MAP2K4: variants seen among roughly 807,000 people sequenced by gnomAD.
The protein encoded by MAP2K4 is mitogen-activated protein kinase kinase 4.
A neutral mutation model predicts 48.5 loss-of-function variants in MAP2K4; 4 were observed. The ratio of observed to expected loss-of-function variants is 0.08; its 90% CI spans 0.04 to 0.19. The LOEUF (loss-of-function observed/expected upper bound fraction) is 0.19. Ranked by LOEUF, MAP2K4 falls within the 10% of genes least tolerant of loss-of-function variation. MAP2K4 has a pLI of 1.00. For synonymous variants in MAP2K4, 166 were observed against 173.1 expected (o/e 0.96, Z 0.32); for missense variants, 258 against 493.3 (o/e 0.52, Z 4.52).
At chr17:12,070,305 C>T (rs898449067) in intron 2 of MAP2K4, among the ~76,000 whole-genome samples, 1 of 152,062 alleles carries the variant, frequency 6.6e-6, no homozygotes, top group African/African-American at 2.4e-5. Flanking sequence ...TTAGCTATTA[C>T]TTGCTGAAAG....
chr17:12,041,048 G>A (rs1182642574), intron 1 of MAP2K4, among the ~76,000 whole-genome samples: 2 of 152,224 alleles, frequency 1.3e-5, no homozygotes, highest in Non-Finnish European at 2.9e-5. Context: ...GTATACACAT[G>A]AAGTAGATAG....
intron 2 of MAP2K4, among the ~76,000 whole-genome samples, chr17:12,056,820 T>C (rs540183844): frequency 9.2e-5 from 14 of 152,272 alleles, no homozygotes; most frequent in African/African-American, 3.1e-4. Flanking sequence ...CAGTTGTTAG[T>C]TTCTGTTTAG....
chr17:12,136,011 T>C (rs1973195704), intron 9 of MAP2K4, among the ~76,000 whole-genome samples: 1 of 152,206 alleles, frequency 6.6e-6, no homozygotes, highest in South Asian at 2.1e-4. Context: ...TCTAAATTCA[T>C]ATTGAATATG....
At chr17:12,135,370 C>T (rs980157121) in intron 9 of MAP2K4, among the ~76,000 whole-genome samples, 1 of 151,952 alleles carries the variant, frequency 6.6e-6, no homozygotes, top group Non-Finnish European at 1.5e-5. Flanking sequence ...AGGCGCGAGC[C>T]ACTGCGCCTG....
At position 12,125,386 on chromosome 17, in the gene MAP2K4, A is replaced by G. The variant is rs369295593; in HGVS notation, c.891+15A>G. 6.2e-7 allele frequency: 1 copy of G among 1,608,562 alleles called. No homozygotes were observed. Among genetic ancestry groups the G allele is most frequent in the Non-Finnish European group, 8.5e-7 (1 of 1,175,072 alleles). ...GGATCACATTGGTATGTTTATGCTG[A>G]TTCAACCTTGCCACAGTAGCGTAAC... On this transcript the variant is annotated intron_variant, in intron 8 of 10. Transcript: ENST00000353533.
chr17:12,039,435 T>A (rs1362813318), intron 1 of MAP2K4, among the ~76,000 whole-genome samples: 1 of 152,206 alleles, frequency 6.6e-6, no homozygotes, highest in Non-Finnish European at 1.5e-5. Flanking sequence ...AGTAGTGTAA[T>A]GAACCCCCAT....
chr17:12,119,195 A>T (rs932930828), intron 7 of MAP2K4, among the ~76,000 whole-genome samples: 3 of 152,256 alleles, frequency 2.0e-5, no homozygotes, highest in Non-Finnish European at 2.9e-5. Context: ...GAAACTATCA[A>T]CAGAGTAAAC....
intron 2 of MAP2K4, among the ~76,000 whole-genome samples, chr17:12,075,233 A>T (rs1241065490): frequency 6.6e-6 from 1 of 152,186 alleles, no homozygotes; most frequent in African/African-American, 2.4e-5. Flanking sequence ...GACTGGATGG[A>T]TACGCAACAA....
intron 1 of MAP2K4, among the ~76,000 whole-genome samples, chr17:12,042,565 CG>C (rs1567629493): frequency 6.6e-6 from 1 of 151,960 alleles, no homozygotes. Flanking sequence ...CGCCTAAGCT[CG>C]GGAGGTGAAA....
Position 12,132,270 on chromosome 17 carries a change from C to T in MAP2K4, c.1040+2983C>T, listed in dbSNP as rs1973052545. On this transcript the variant is annotated intron_variant, in intron 9 of 10. Transcript: ENST00000353533. Reference sequence around the variant, plus strand: ...CCCAACAAAAGTGTGGACATAAATACACTAAAAGACATATGTAAGAATGTC... The same window carrying T: ...CCCAACAAAAGTGTGGACATAAATATACTAAAAGACATATGTAAGAATGTC... Among the ~76,000 whole-genome samples the T allele has an allele frequency of 2.0e-5, 3 of 152,146 alleles. No individual in the cohort carries two copies. The South Asian group carries it at 6.2e-4, about 32-fold the overall frequency.
chr17:12,088,529 A>T (rs1319842355), intron 3 of MAP2K4, among the ~76,000 whole-genome samples: 6 of 90,546 alleles, frequency 6.6e-5, no homozygotes, highest in Non-Finnish European at 1.5e-4. Flanking sequence ...TGTAATATAT[A>T]ATATATATTA....
intron 1 of MAP2K4, among the ~76,000 whole-genome samples, chr17:12,044,895 C>T (rs1416102027): frequency 6.6e-6 from 1 of 152,214 alleles, no homozygotes; most frequent in Non-Finnish European, 1.5e-5. Flanking sequence ...CATCCTGAAG[C>T]TAGGTGCTGC....
At chr17:12,057,515 A>G (rs555396502) in intron 2 of MAP2K4, among the ~76,000 whole-genome samples, 33 of 152,264 alleles carry the variant, frequency 2.2e-4, no homozygotes, top group Admixed American at 9.2e-4. Flanking sequence ...ATAAGCCTCA[A>G]ATTGCATCAT....
chr17:12,143,635 T>C lies in MAP2K4; in HGVS notation c.*2375T>C, dbSNP rs2151601150. Reference sequence around the variant, plus strand: ...TATCCTGTATTCTTGTTTGAATTCCTCCTCTATTTAAGATATATACATGGA... The same window carrying C: ...TATCCTGTATTCTTGTTTGAATTCCCCCTCTATTTAAGATATATACATGGA... On this transcript the variant is annotated 3_prime_UTR_variant, in exon 11 of 11. Coordinates refer to ENST00000353533, the MANE Select transcript of MAP2K4 (RefSeq NM_003010.4). The C allele has an allele frequency of 8.7e-6, 2 of 231,186 alleles. No individual in the cohort carries two copies. Among genetic ancestry groups the C allele is most frequent in the East Asian group, 1.2e-4 (2 of 16,182 alleles). The allele number at this position is 231,186 out of a possible 1,614,324, so 14.3% of individuals were successfully genotyped here.
rs757752996 is a variant in MAP2K4 at position 12,107,879 on chromosome 17, A to G, written c.603A>G (p.Pro201=). The stretch of plus-strand genomic sequence containing the variant: ...ATAGTGTATTAGATGATGTTATTCC[A>G]GAAGAAATTTTAGGCAAAATCACTT... ...YVYSVLDDVI[P]EEILGKITLA... is the part of the protein sequence containing the mutation. Residue 201 remains proline, a synonymous_variant, in exon 5 of 11, where the codon CCA becomes CCG. Coordinates refer to ENST00000353533, the MANE Select transcript of MAP2K4 (RefSeq NM_003010.4). 3.8e-6 allele frequency: 6 copies of G among 1,599,076 alleles called. No individual in the cohort carries two copies. The African/African-American group carries it at 6.8e-5, about 18-fold the overall frequency.
chr17:12,076,619 C>A (rs1474127101), intron 2 of MAP2K4, among the ~76,000 whole-genome samples: 1 of 152,046 alleles, frequency 6.6e-6, no homozygotes, highest in Non-Finnish European at 1.5e-5. Flanking sequence ...TGAATTCATG[C>A]CCTATATTAA....
intron 1 of MAP2K4, among the ~76,000 whole-genome samples, chr17:12,030,270 G>A (rs1039297472): frequency 2.0e-5 from 3 of 152,212 alleles, no homozygotes; most frequent in African/African-American, 7.2e-5. Flanking sequence ...AGGTGAGCCA[G>A]TGTGTTCCAG....
At chr17:12,134,149 A>T (rs1265854882) in intron 9 of MAP2K4, among the ~76,000 whole-genome samples, 3 of 152,036 alleles carry the variant, frequency 2.0e-5, no homozygotes, top group African/African-American at 4.8e-5. Flanking sequence ...ATGATACTGC[A>T]ATGATGGCTC....
chr17:12,117,047 C>T (rs537490702), intron 7 of MAP2K4, among the ~76,000 whole-genome samples: 1 of 152,204 alleles, frequency 6.6e-6, no homozygotes, highest in East Asian at 1.9e-4. Flanking sequence ...TGTGGTCTGT[C>T]GTTCACCAAA....
Sources: allele counts gnomAD v4.1 joint callset (sites outside exome capture counted in the v4.1 genomes callset), GRCh38; gene constraint gnomAD v4.1.1; transcripts MANE v1.5; gene names NCBI Gene and HGNC (gene_info 2026-07-23, HGNC 2026-07-21).